SFMBT2: variants seen among roughly 807,000 people sequenced by gnomAD.
SFMBT2 encodes scm-like with four MBT domains protein 2.
In SFMBT2, 38 loss-of-function variants were observed where a neutral mutation model predicts 110.1. The observed-to-expected ratio is 0.35, with a 90% confidence interval of 0.27 to 0.45. The LOEUF is 0.45. Ranked by LOEUF, SFMBT2 falls within the 20% of genes least tolerant of loss-of-function variation. The pLI is 1.00. For missense variants in SFMBT2, 1,011 were observed against 1,094.9 expected, an observed-to-expected ratio of 0.92 and a Z score of 1.08; for synonymous variants, 425 against 425.4, an observed-to-expected ratio of 1.00 and a Z score of 0.01.
chr10:7,200,861 T>C, intron 13 of SFMBT2: 1 of 208,046 alleles, frequency 4.8e-6, no homozygotes, highest in Non-Finnish European at 8.4e-6. Flanking sequence ...CTTTTCCACT[T>C]CGATGTCTAA....
At chr10:7,214,661 C>T in intron 11 of SFMBT2, 1 of 985,492 alleles carries the variant, frequency 1.0e-6, no homozygotes, top group Non-Finnish European at 1.2e-6. Context: ...CTGTGCTTGT[C>T]AGTGTGGAAT....
intron 6 of SFMBT2, among the ~76,000 whole-genome samples, chr10:7,277,638 AG>A (rs1841825548): frequency 6.6e-6 from 1 of 151,980 alleles, no homozygotes; most frequent in East Asian, 1.9e-4. Flanking sequence ...CAAAATTAAA[AG>A]GAAAAAAAAA....
At chr10:7,229,409 T>G (rs1179473618) in intron 9 of SFMBT2, among the ~76,000 whole-genome samples, 1 of 151,826 alleles carries the variant, frequency 6.6e-6, no homozygotes, top group East Asian at 2.0e-4. Context: ...TGAAACCCCT[T>G]CTCTACTAAA....
At chr10:7,353,646 G>A (rs371599888) in intron 4 of SFMBT2, among the ~76,000 whole-genome samples, 11 of 152,212 alleles carry the variant, frequency 7.2e-5, no homozygotes, top group African/African-American at 1.4e-4. Flanking sequence ...TCAATTTGGC[G>A]TTGAGAAATG....
chr10:7,191,376 C>T (rs1838596779), intron 15 of SFMBT2, among the ~76,000 whole-genome samples: 1 of 152,222 alleles, frequency 6.6e-6, no homozygotes, highest in African/African-American at 2.4e-5. Flanking sequence ...TCTCACCCTG[C>T]CGGCAGGGGC....
Position 7,163,510 on chromosome 10 carries a change from G to A in SFMBT2, c.*260C>T, listed in dbSNP as rs1253809911. 4.3e-5 allele frequency: 17 copies of A among 395,526 alleles called. 1 individual carries two copies. Among genetic ancestry groups the A allele is most frequent in the Non-Finnish European group, 7.7e-5 (17 of 219,712 alleles). The allele number at this position is 395,526 out of a possible 1,614,324, so 24.5% of individuals were successfully genotyped here. A position where few individuals can be genotyped will look rare whatever the true frequency, so the allele number is the denominator to read the frequency against. The stretch of plus-strand genomic sequence containing the variant: ...GGCAGGAGAAAGGCAAAACGTGGGT[G>A]AGCCAAGAAGCAGGCCCACGTCTGG... On this transcript the variant is annotated 3_prime_UTR_variant, in exon 21 of 21. Coordinates refer to ENST00000397167, the MANE Select transcript of SFMBT2 (RefSeq NM_001387889.1). This position sits in a 1 kb window ranked among gnomAD's most constrained non-coding sequence, Gnocchi z 4.8.
rs1837586594 is a variant in SFMBT2, at chr10:7,162,951, A to T, written c.*819T>A. On this transcript the variant is annotated 3_prime_UTR_variant, in exon 21 of 21. Transcript: ENST00000397167. ...AACCCTGTCTCTACCAAAAATACAAAAATTAGCCAGGCATGGTGGTGGGTG... is the reference window on the plus strand; with the variant it reads ...AACCCTGTCTCTACCAAAAATACAATAATTAGCCAGGCATGGTGGTGGGTG... The T allele has an allele frequency of 6.6e-6, 1 of 152,426 alleles. No homozygotes were observed. The highest frequency in any genetic ancestry group is 1.5e-5 in the Non-Finnish European group (1 of 68,300). The allele number at this position is 152,426 out of a possible 1,614,324, so 9.4% of individuals were successfully genotyped here. A position where few individuals can be genotyped will look rare whatever the true frequency, so the allele number is the denominator to read the frequency against.
intron 8 of SFMBT2, among the ~76,000 whole-genome samples, chr10:7,245,147 C>G (rs945445159): frequency 2.6e-5 from 4 of 152,172 alleles, no homozygotes; most frequent in African/African-American, 9.6e-5. Flanking sequence ...AGTCCCAGGA[C>G]CCCAACATCC....
chr10:7,176,011 T>C lies in SFMBT2; in HGVS notation c.1963A>G (p.Ile655Val). The change falls in exon 17 of 21, where the codon ATT becomes GTT. Residue 655 changes from isoleucine (I) to valine (V), a missense_variant. Coordinates refer to ENST00000397167, the MANE Select transcript of SFMBT2 (RefSeq NM_001387889.1). The stretch of plus-strand genomic sequence containing the variant: ...TTACTGTATTTGGTTTTGGTATGAA[T>C]GGAGCAGTTCTCTGGGCAGTTTTCA... ...ISENCPENCSIHTKTKYTYYY... is the reference protein window; with the variant it reads ...ISENCPENCSVHTKTKYTYYY... The C allele has an allele frequency of 1.2e-6, 2 of 1,614,104 alleles. No individual in the cohort carries two copies. Among genetic ancestry groups the C allele is most frequent in the Non-Finnish European group, 1.7e-6 (2 of 1,179,954 alleles).
rs187675946 is a variant in SFMBT2 at position 7,387,153 on chromosome 10, A to G, written c.-51-5204T>C. The stretch of plus-strand genomic sequence containing the variant: ...CTAGGGAGTGGCAGGGACCCCACAC[A>G]GTGTCATCTGTGAGCACTCAACACT... On this transcript the variant is annotated intron_variant, in intron 1 of 20. Coordinates refer to ENST00000397167, the MANE Select transcript of SFMBT2 (RefSeq NM_001387889.1). Among the ~76,000 whole-genome samples the G allele has an allele frequency of 2.5e-3, 385 of 152,348 alleles. 1 individual carries two copies. Among genetic ancestry groups the G allele is most frequent in the Non-Finnish European group, 4.1e-3 (276 of 68,030 alleles).
At chr10:7,187,521 T>C (rs929245658) in intron 16 of SFMBT2, among the ~76,000 whole-genome samples, 3 of 152,246 alleles carry the variant, frequency 2.0e-5, no homozygotes, top group African/African-American at 7.2e-5. Flanking sequence ...TATTTACATA[T>C]ATTCTCTTCC....
Position 7,315,038 on chromosome 10 carries a change from GAGAAAGAAAGAAAGAAAGAAAGAAAGAA to G in SFMBT2, c.437-29112_437-29085del, listed in dbSNP as rs545155500. Reference sequence around the variant, plus strand: ...AAGAAAAGAGAGAGAAAGAAAGAAAGAGAAAGAAAGAAAGAAAGAAAGAAAGAAAGAAAGAAAGAAAGAAAGAAAGAAA... The same window carrying G: ...AAGAAAAGAGAGAGAAAGAAAGAAAGAGAAAGAAAGAAAGAAAGAAAGAAA... On this transcript the variant is annotated intron_variant, in intron 4 of 20. Coordinates refer to ENST00000397167, the MANE Select transcript of SFMBT2 (RefSeq NM_001387889.1). 1.3e-3 allele frequency among the ~76,000 whole-genome samples: 103 copies of G among 82,250 alleles called. 1 individual carries two copies. The highest frequency in any genetic ancestry group is 2.1e-3 in the Non-Finnish European group (86 of 41,752). 54.0% of individuals were successfully genotyped at this position (82,250 alleles called of 152,430 possible). A position where few individuals can be genotyped will look rare whatever the true frequency, so the allele number is the denominator to read the frequency against.
At chr10:7,341,848 T>A (rs939822459) in intron 4 of SFMBT2, among the ~76,000 whole-genome samples, 5 of 152,244 alleles carry the variant, frequency 3.3e-5, no homozygotes, top group African/African-American at 1.2e-4. Flanking sequence ...AAGTTCACTA[T>A]ATATTCTGTC....
intron 6 of SFMBT2, among the ~76,000 whole-genome samples, chr10:7,282,215 A>G (rs1309320294): frequency 6.6e-6 from 1 of 152,202 alleles, no homozygotes; most frequent in African/African-American, 2.4e-5. Context: ...TAAAGACCCC[A>G]AATTATCTAA....
At chr10:7,284,931 A>G (rs2131843583) in intron 5 of SFMBT2, 1 of 152,366 alleles carries the variant, frequency 6.6e-6, no homozygotes, top group East Asian at 1.9e-4. Context: ...TGATTTGTTA[A>G]TGAACAATTA....
chr10:7,279,370 C>A (rs1564419079), intron 6 of SFMBT2, among the ~76,000 whole-genome samples: 1 of 152,212 alleles, frequency 6.6e-6, no homozygotes, highest in South Asian at 2.1e-4. Context: ...CCTGAAGATT[C>A]TCTGTTTTCT....
chr10:7,341,408 G>C (rs1021678566), intron 4 of SFMBT2, among the ~76,000 whole-genome samples: 1 of 152,150 alleles, frequency 6.6e-6, no homozygotes, highest in Admixed American at 6.5e-5. Flanking sequence ...CAAATTTTCC[G>C]TTCCCAAGAC....
Position 7,171,561 on chromosome 10 carries a change from C to T in SFMBT2, c.2415+334G>A. Reference sequence around the variant, plus strand: ...GGGGACGTGGGAGCAAGACACAGCGCAGTCAGGGGAGATGCGGGGAAGGAA... The same window carrying T: ...GGGGACGTGGGAGCAAGACACAGCGTAGTCAGGGGAGATGCGGGGAAGGAA... On this transcript the variant is annotated intron_variant, in intron 19 of 20. Transcript: ENST00000397167. The surrounding 1 kb of genome is among the most constrained non-coding windows in gnomAD (Gnocchi z 4.9). 1 of 985,394 alleles carries T rather than the reference C, an allele frequency of 1.0e-6. No individual in the cohort carries two copies. Among genetic ancestry groups the T allele is most frequent in the Non-Finnish European group, 1.2e-6 (1 of 829,924 alleles). 61.0% of individuals were successfully genotyped at this position (985,394 alleles called of 1,614,324 possible). A position where few individuals can be genotyped will look rare whatever the true frequency, so the allele number is the denominator to read the frequency against.
At chr10:7,277,740 T>C (rs1841828883) in intron 6 of SFMBT2, among the ~76,000 whole-genome samples, 1 of 152,188 alleles carries the variant, frequency 6.6e-6, no homozygotes, top group Admixed American at 6.5e-5. Context: ...CAAAATAGGA[T>C]TTGCAGAAGC....
Sources: gnomAD v4.1 joint callset for allele counts (sites outside exome capture counted in the v4.1 genomes callset) on GRCh38, gnomAD v4.1.1 for gene constraint, Gnocchi (gnomAD v3.1) non-coding constraint, MANE v1.5 for transcripts, NCBI Gene and HGNC (gene_info 2026-07-23, HGNC 2026-07-21) for gene names.